NIPBL: variants seen among roughly 807,000 people sequenced by gnomAD.
NIPBL encodes NIPBL cohesin loading factor, also known as nipped-B-like protein.
A neutral mutation model predicts 321.8 loss-of-function variants in NIPBL; 19 were observed. The ratio of observed to expected loss-of-function variants is 0.06; its 90% CI spans 0.04 to 0.09. The LOEUF (loss-of-function observed/expected upper bound fraction) is 0.09. NIPBL is among the 10% of genes least tolerant of loss of function. NIPBL has a pLI of 1.00. For missense variants in NIPBL, 2,210 were observed against 3,327.0 expected, an observed-to-expected ratio of 0.66 and a Z score of 8.26; for synonymous variants, 1,106 against 1,114.1, an observed-to-expected ratio of 0.99 and a Z score of 0.14.
At chr5:36,916,454 C>T (rs1748467153) in intron 1 of NIPBL, among the ~76,000 whole-genome samples, 1 of 152,132 alleles carries the variant, frequency 6.6e-6, no homozygotes, top group African/African-American at 2.4e-5. Flanking sequence ...GAAGTGCCCT[C>T]AATTTTTACA....
chr5:37,046,117 A>C lies in NIPBL; in HGVS notation c.6507A>C (p.Ile2169=). The part of the protein sequence containing the change: ...EDFKGNSKVN[I]KDKVLELLMY... ...TGTTTTCCTCCCCTTAGGTTAACAT[A>C]AAAGATAAAGTACTTGAACTATTGA... The change falls in exon 38 of 47, where the codon ATA becomes ATC. Residue 2169 remains isoleucine, a synonymous_variant. Transcript: ENST00000282516. 6.6e-7 allele frequency: 1 copy of C among 1,515,162 alleles called. No homozygotes were observed. Among genetic ancestry groups the C allele is most frequent in the East Asian group, 2.3e-5 (1 of 44,236 alleles). 93.9% of individuals were successfully genotyped at this position (1,515,162 alleles called of 1,614,324 possible). A position where few individuals can be genotyped will look rare whatever the true frequency, so the allele number is the denominator to read the frequency against.
chr5:37,028,345 T>G (rs1234599414), intron 32 of NIPBL, among the ~76,000 whole-genome samples: 1 of 145,096 alleles, frequency 6.9e-6, no homozygotes, highest in African/African-American at 2.6e-5. Flanking sequence ...TTTTTTTTTT[T>G]TTTTTTTTTG....
At chr5:37,001,607 G>A (rs913712385) in intron 14 of NIPBL, among the ~76,000 whole-genome samples, 22 of 152,168 alleles carry the variant, frequency 1.4e-4, no homozygotes, top group Middle Eastern at 3.4e-3. Context: ...AATATTTATT[G>A]AATACTTACT....
chr5:36,925,128 G>T (rs1020211076), intron 1 of NIPBL, among the ~76,000 whole-genome samples: 1 of 152,094 alleles, frequency 6.6e-6, no homozygotes, highest in Non-Finnish European at 1.5e-5. Context: ...AGAATGCTTG[G>T]CATATAGAAG....
intron 14 of NIPBL, among the ~76,000 whole-genome samples, chr5:37,002,178 A>G (rs1034476877): frequency 1.3e-5 from 2 of 152,196 alleles, no homozygotes; most frequent in African/African-American, 4.8e-5. Flanking sequence ...CAGGAAAAAA[A>G]GTTGTAGAGT....
At chr5:36,902,226 A>G (rs1242475464) in intron 1 of NIPBL, among the ~76,000 whole-genome samples, 5 of 151,920 alleles carry the variant, frequency 3.3e-5, no homozygotes, top group Non-Finnish European at 7.4e-5. Context: ...CACTCTGTTG[A>G]TAGTTTCTTT....
intron 1 of NIPBL, among the ~76,000 whole-genome samples, chr5:36,943,089 C>T (rs1458910022): frequency 6.6e-6 from 1 of 151,608 alleles, no homozygotes; most frequent in African/African-American, 2.4e-5. Flanking sequence ...TGTTTTTTCT[C>T]AAATATTTTC....
chr5:37,054,691 A>G (rs1342907215), intron 42 of NIPBL, among the ~76,000 whole-genome samples: 1 of 152,212 alleles, frequency 6.6e-6, no homozygotes, highest in South Asian at 2.1e-4. Context: ...GACTACCTCC[A>G]ACAAAGAATG....
intron 20 of NIPBL, among the ~76,000 whole-genome samples, chr5:37,009,508 T>C (rs953176143): frequency 1.3e-5 from 2 of 152,242 alleles, no homozygotes; most frequent in Admixed American, 6.5e-5. Context: ...AATCATTTTT[T>C]GGACTAATTG....
intron 1 of NIPBL, among the ~76,000 whole-genome samples, chr5:36,944,406 T>C (rs1739439064): frequency 1.3e-5 from 2 of 152,112 alleles, no homozygotes; most frequent in African/African-American, 4.8e-5. Flanking sequence ...TTTCCTAAAG[T>C]ATCTGAAGCA....
chr5:36,943,005 C>A (rs1053848518), intron 1 of NIPBL, among the ~76,000 whole-genome samples: 7 of 151,872 alleles, frequency 4.6e-5, no homozygotes, highest in African/African-American at 1.2e-4. Context: ...TAAAAAAAAA[C>A]CCTTCTATTA....
chr5:37,013,191 C>T (rs1234412904), intron 21 of NIPBL, among the ~76,000 whole-genome samples: 6 of 144,616 alleles, frequency 4.1e-5, no homozygotes, highest in Admixed American at 6.8e-5. Flanking sequence ...ACCTCCCTCC[C>T]GGACGGGGCG....
At chr5:37,050,005 GT>G (rs1753360750) in intron 40 of NIPBL, among the ~76,000 whole-genome samples, 1 of 152,032 alleles carries the variant, frequency 6.6e-6, no homozygotes, top group Admixed American at 6.5e-5. Flanking sequence ...AACAAAACAT[GT>G]TAACAAATAT....
chr5:36,932,527 G>A (rs1468510027), intron 1 of NIPBL, among the ~76,000 whole-genome samples: 1 of 151,858 alleles, frequency 6.6e-6, no homozygotes, highest in Non-Finnish European at 1.5e-5. Flanking sequence ...CTGTTTGTAT[G>A]GAGTATATTT....
At chr5:37,061,386 T>C (rs947819568) in intron 45 of NIPBL, among the ~76,000 whole-genome samples, 17 of 152,248 alleles carry the variant, frequency 1.1e-4, no homozygotes, top group Non-Finnish European at 5.9e-5. Flanking sequence ...GATAAAAAAA[T>C]GGCGTAGTGG....
At chr5:36,961,340 C>T (rs1037886127) in intron 4 of NIPBL, 144 bp from the exon 5 acceptor site, 1 of 634,836 alleles carries the variant, frequency 1.6e-6, no homozygotes, top group African/African-American at 1.8e-5. Flanking sequence ...TACAGTTTTA[C>T]AGCGTCTATA....
chr5:37,064,311 T>A, intron 46 of NIPBL: 1 of 1,417,998 alleles, frequency 7.1e-7, no homozygotes, highest in Non-Finnish European at 9.2e-7. Context: ...TCAATAAGAG[T>A]AAAGACACGG....
chr5:36,963,102 A>G (rs1367409879), intron 6 of NIPBL, among the ~76,000 whole-genome samples: 6 of 152,108 alleles, frequency 3.9e-5, no homozygotes, highest in African/African-American at 1.4e-4. Context: ...TAATGTCATA[A>G]TGTTGATATT....
At chr5:36,945,566 A>C (rs563243833) in intron 1 of NIPBL, among the ~76,000 whole-genome samples, 1 of 152,190 alleles carries the variant, frequency 6.6e-6, no homozygotes, top group Non-Finnish European at 1.5e-5. Context: ...ACGCATATAC[A>C]TTATTGGTAT....
Sources: gnomAD v4.1 joint callset for allele counts (sites outside exome capture counted in the v4.1 genomes callset) on GRCh38, gnomAD v4.1.1 for gene constraint, MANE v1.5 for transcripts, NCBI Gene and HGNC (gene_info 2026-07-23, HGNC 2026-07-21) for gene names.